DACH1: variants seen among roughly 807,000 people sequenced by gnomAD.
DACH1 encodes dachshund family transcription factor 1.
A neutral mutation model predicts 54.2 loss-of-function variants in DACH1; 12 were observed. The observed-to-expected ratio is 0.22, with a 90% CI of 0.14 to 0.36. DACH1 has a LOEUF of 0.36. Among genes scored for constraint, DACH1 ranks in the 10% least tolerant of loss-of-function variants. The pLI, the probability that DACH1 is intolerant of heterozygous loss-of-function variation, is 1.00. For synonymous variants in DACH1, 386 were observed against 366.2 expected (o/e 1.05, Z -0.62); for missense variants, 805 against 929.8 (o/e 0.87, Z 1.75).
chr13:71,653,346 C>T (rs1594050399), intron 2 of DACH1, among the ~76,000 whole-genome samples: 1 of 152,170 alleles, frequency 6.6e-6, no homozygotes, highest in East Asian at 1.9e-4. Context: ...TAAACTCTAC[C>T]AAAAGAACAA....
chr13:71,700,758 T>G (rs2138749274), intron 1 of DACH1, among the ~76,000 whole-genome samples: 1 of 152,180 alleles, frequency 6.6e-6, no homozygotes, highest in African/African-American at 2.4e-5. Flanking sequence ...TGTTCTTACC[T>G]CCCATGGAGT....
chr13:71,863,425 C>T (rs111963065), intron 1 of DACH1, among the ~76,000 whole-genome samples: 6 of 152,168 alleles, frequency 3.9e-5, no homozygotes, highest in East Asian at 1.9e-4. Context: ...ACAAACTTCC[C>T]GCCTTTAACT....
intron 7 of DACH1, among the ~76,000 whole-genome samples, chr13:71,481,076 T>A (rs1877990740): frequency 6.6e-6 from 1 of 152,316 alleles, no homozygotes; most frequent in South Asian, 2.1e-4. Context: ...ATGAAAGAGA[T>A]CATTACATCA....
intron 2 of DACH1, among the ~76,000 whole-genome samples, chr13:71,655,795 A>G (rs957876730): frequency 1.3e-5 from 2 of 152,096 alleles, no homozygotes; most frequent in African/African-American, 2.4e-5. Context: ...ACTTTTTCCC[A>G]TCTTTCTTTT....
intron 1 of DACH1, among the ~76,000 whole-genome samples, chr13:71,813,174 T>C (rs1887784653): frequency 6.6e-6 from 1 of 152,224 alleles, no homozygotes; most frequent in African/African-American, 2.4e-5. Flanking sequence ...AGAGATTAAA[T>C]TGAACTTTAA....
chr13:71,665,526 G>C (rs968065687), intron 2 of DACH1, among the ~76,000 whole-genome samples: 10 of 151,920 alleles, frequency 6.6e-5, no homozygotes, highest in Non-Finnish European at 1.5e-4. Context: ...ACACTATCTA[G>C]AAGATATTAT....
intron 3 of DACH1, among the ~76,000 whole-genome samples, chr13:71,589,247 C>T (rs1873516521): frequency 6.6e-6 from 1 of 151,806 alleles, no homozygotes; most frequent in Admixed American, 6.6e-5. Context: ...AAATAGTGGC[C>T]TCAAGGGAAA....
At chr13:71,863,117 A>T (rs1566549455) in intron 1 of DACH1, among the ~76,000 whole-genome samples, 1 of 152,146 alleles carries the variant, frequency 6.6e-6, no homozygotes, top group Non-Finnish European at 1.5e-5. Flanking sequence ...GAATGAAAAA[A>T]GTAATCATAA....
chr13:71,656,668 T>C (rs912395016), intron 2 of DACH1, among the ~76,000 whole-genome samples: 3 of 151,830 alleles, frequency 2.0e-5, no homozygotes, highest in Non-Finnish European at 4.4e-5. Flanking sequence ...ATCCTATCTC[T>C]ATAATGCTGA....
chr13:71,841,300 CT>C (rs368984519), intron 1 of DACH1, among the ~76,000 whole-genome samples: 18 of 150,852 alleles, frequency 1.2e-4, no homozygotes, highest in African/African-American at 1.7e-4. Flanking sequence ...TGTCTTTTCT[CT>C]TTTTTTTTGC....
chr13:71,849,641 C>T (rs1020190278), intron 1 of DACH1, among the ~76,000 whole-genome samples: 3 of 152,048 alleles, frequency 2.0e-5, no homozygotes, highest in African/African-American at 4.8e-5. Context: ...TCCTTATTTC[C>T]CCCCCATCTA....
At chr13:71,845,296 A>ACTACC (rs1233946401) in intron 1 of DACH1, among the ~76,000 whole-genome samples, 3 of 152,184 alleles carry the variant, frequency 2.0e-5, no homozygotes, top group Admixed American at 2.0e-4. Context: ...AAAGTTAAGA[A>ACTACC]CTACCCCACT....
In DACH1 at chr13:71,865,921, C is replaced by A; in HGVS notation, c.848+1G>T. On this transcript the variant is annotated splice_donor_variant, in intron 1 of 10. Coordinates refer to ENST00000613252, the MANE Select transcript of DACH1 (RefSeq NM_080759.6). LOFTEE classifies it high-confidence loss of function. ...GGCGGGGGCTATCCCCCCCGACTCA[C>A]CTTGCGTTGGTGCAGTCATTGTAGA... is the stretch of plus-strand genomic sequence containing the variant. The A allele has an allele frequency of 6.2e-7, 1 of 1,602,112 alleles. No individual in the cohort carries two copies. Among genetic ancestry groups the A allele is most frequent in the South Asian group, 1.1e-5 (1 of 89,730 alleles).
At chr13:71,668,597 T>C (rs1880010821) in intron 2 of DACH1, among the ~76,000 whole-genome samples, 1 of 152,012 alleles carries the variant, frequency 6.6e-6, no homozygotes, top group African/African-American at 2.4e-5. Flanking sequence ...TTTGATCTAA[T>C]TGAAAAATAC....
chr13:71,552,817 A>G (rs1343603402), intron 6 of DACH1, among the ~76,000 whole-genome samples: 2 of 55,038 alleles, frequency 3.6e-5, no homozygotes, highest in Non-Finnish European at 6.8e-5. Context: ...ATATATATAT[A>G]TATATATATA....
intron 7 of DACH1, among the ~76,000 whole-genome samples, chr13:71,479,574 T>C (rs1877861312): frequency 6.6e-6 from 1 of 152,170 alleles, no homozygotes; most frequent in South Asian, 2.1e-4. Flanking sequence ...CAAAGCTAAG[T>C]AGATATTCTA....
chr13:71,448,128 A>T (rs773170621), intron 10 of DACH1, among the ~76,000 whole-genome samples: 8 of 152,166 alleles, frequency 5.3e-5, no homozygotes, highest in Non-Finnish European at 7.4e-5. Context: ...TTTGTTCAAA[A>T]CTTATATCCA....
chr13:71,710,507 T>C (rs1430183752), intron 1 of DACH1, among the ~76,000 whole-genome samples: 1 of 151,004 alleles, frequency 6.6e-6, no homozygotes, highest in Non-Finnish European at 1.5e-5. Context: ...TGTGTGTGTG[T>C]GTGATGAACA....
intron 1 of DACH1, among the ~76,000 whole-genome samples, chr13:71,795,188 T>G (rs1423333453): frequency 2.3e-5 from 1 of 43,658 alleles, no homozygotes; most frequent in Non-Finnish European, 3.8e-5. Context: ...TTACAAAATG[T>G]TTTTTTTTGT....
Sources: allele counts gnomAD v4.1 joint callset (sites outside exome capture counted in the v4.1 genomes callset), GRCh38; gene constraint gnomAD v4.1.1; transcripts MANE v1.5; gene names NCBI Gene and HGNC (gene_info 2026-07-23, HGNC 2026-07-21).